Variants in PINX1 observed in about 807,000 individuals in gnomAD.
PINX1 encodes PIN2/TERF1-interacting telomerase inhibitor 1.
A neutral mutation model predicts 25.4 loss-of-function variants in PINX1; 34 were observed. The ratio of observed to expected loss-of-function variants is 1.34; its 90% CI spans 1.02 to 1.78. The LOEUF (loss-of-function observed/expected upper bound fraction) is 1.78. Ranked by LOEUF, PINX1 falls within the 40% of genes most tolerant of loss-of-function variation. The probability of loss-of-function intolerance (pLI) is 0.00; values close to 1 mark genes in which losing one functional copy is unlikely to be tolerated. For missense variants in PINX1, 592 were observed against 404.9 expected (o/e 1.46, Z -3.97); for synonymous variants, 197 against 147.7 (o/e 1.33, Z -2.42).
At chr8:10,791,821 A>G (rs986930336) in intron 6 of PINX1, among the ~76,000 whole-genome samples, 14 of 152,172 alleles carry the variant, frequency 9.2e-5, no homozygotes, top group Admixed American at 2.6e-4. Context: ...AAGGACTTGC[A>G]TTTGGCCTGT....
chr8:10,781,569 T>A (rs548850121), intron 6 of PINX1, among the ~76,000 whole-genome samples: 3 of 152,140 alleles, frequency 2.0e-5, no homozygotes, highest in Non-Finnish European at 4.4e-5. Context: ...AAAGATGACA[T>A]ACACATGACC....
At chr8:10,778,800 A>G (rs1408843262) in intron 6 of PINX1, among the ~76,000 whole-genome samples, 2 of 152,242 alleles carry the variant, frequency 1.3e-5, no homozygotes, top group Non-Finnish European at 2.9e-5. Flanking sequence ...TCTGGATAAA[A>G]TGAGTAGTTC....
rs143615754 is a variant in PINX1, at chr8:10,779,870, G to A, written c.472-13954C>T. Reference sequence around the variant, plus strand: ...ACAACCCCAACGCCTAGACTGTGTCGCTAAATATCACTTACCACAAAGAAA... The same window carrying A: ...ACAACCCCAACGCCTAGACTGTGTCACTAAATATCACTTACCACAAAGAAA... On this transcript the variant is annotated intron_variant, in intron 6 of 6. Transcript: ENST00000314787. Among the ~76,000 whole-genome samples, 29 of 152,224 alleles carry A rather than the reference G, an allele frequency of 1.9e-4. No homozygotes were observed. The South Asian group carries it at 4.4e-3, about 23-fold the overall frequency.
rs1802112699 is a variant in PINX1, at chr8:10,797,229, G to A, written c.471+22964C>T. 2.0e-5 allele frequency among the ~76,000 whole-genome samples: 3 copies of A among 152,316 alleles called. No individual in the cohort carries two copies. In the South Asian group the frequency reaches 6.2e-4, roughly 32 times the overall value. On this transcript the variant is annotated intron_variant, in intron 6 of 6. Coordinates refer to ENST00000314787, the MANE Select transcript of PINX1 (RefSeq NM_017884.6). ...ACCTTTGTCAGCTTCCTCATGAGTAGTTCCTACCTCTCAGGGTTGGTGTTT... is the reference window on the plus strand; with the variant it reads ...ACCTTTGTCAGCTTCCTCATGAGTAATTCCTACCTCTCAGGGTTGGTGTTT...
intron 1 of PINX1, among the ~76,000 whole-genome samples, chr8:10,836,469 G>A (rs1798409945): frequency 6.6e-6 from 1 of 152,160 alleles, no homozygotes; most frequent in Non-Finnish European, 1.5e-5. Flanking sequence ...TGCTTGCCAG[G>A]GGTCTTTGAC....
At chr8:10,829,018 T>G (rs911910952) in intron 4 of PINX1, among the ~76,000 whole-genome samples, 8 of 152,288 alleles carry the variant, frequency 5.3e-5, no homozygotes, top group East Asian at 3.9e-4. Flanking sequence ...GTAGGTGCAG[T>G]GGCTAAAGCC....
At chr8:10,834,860 A>C in intron 1 of PINX1, 85 bp from the exon 2 acceptor site, 1 of 855,702 alleles carries the variant, frequency 1.2e-6, no homozygotes, top group Non-Finnish European at 1.9e-6. Flanking sequence ...AACTTTGTGT[A>C]TTTTATGTAT....
chr8:10,814,472 G>C (rs938921387), intron 6 of PINX1, among the ~76,000 whole-genome samples: 5 of 152,210 alleles, frequency 3.3e-5, no homozygotes, highest in South Asian at 2.1e-4. Context: ...AACAGCCACA[G>C]CTGTGAAAAA....
At chr8:10,772,756 G>A (rs780940799) in intron 6 of PINX1, among the ~76,000 whole-genome samples, 8 of 152,300 alleles carry the variant, frequency 5.3e-5, no homozygotes, top group Non-Finnish European at 8.8e-5. Context: ...ATAACAGAAT[G>A]AGAATTATGC....
intron 6 of PINX1, among the ~76,000 whole-genome samples, chr8:10,811,560 C>A (rs953564511): frequency 6.6e-6 from 1 of 152,146 alleles, no homozygotes; most frequent in South Asian, 2.1e-4. Context: ...GTTAGCAATT[C>A]GAGGAAGGGC....
chr8:10,778,794 G>C (rs373015617), intron 6 of PINX1, among the ~76,000 whole-genome samples: 1 of 152,146 alleles, frequency 6.6e-6, no homozygotes, highest in Admixed American at 6.5e-5. Flanking sequence ...CCATTATCTG[G>C]ATAAAATGAG....
chr8:10,791,096 T>C (rs1355699267), intron 6 of PINX1, among the ~76,000 whole-genome samples: 4 of 152,124 alleles, frequency 2.6e-5, no homozygotes, highest in Non-Finnish European at 5.9e-5. Context: ...GTATTTTTAG[T>C]AGAGATGGGG....
chr8:10,834,145 A>C (rs997568667), intron 2 of PINX1, among the ~76,000 whole-genome samples: 6 of 152,198 alleles, frequency 3.9e-5, no homozygotes, highest in African/African-American at 1.4e-4. Context: ...TCAAAAGTCT[A>C]TAGAAAGAAG....
At chr8:10,787,729 T>G (rs1240238285) in intron 6 of PINX1, 1 of 447,268 alleles carries the variant, frequency 2.2e-6, no homozygotes, top group Admixed American at 2.5e-5. Flanking sequence ...CTTTACGAAG[T>G]GAATACATTA....
intron 6 of PINX1, among the ~76,000 whole-genome samples, chr8:10,787,259 G>A (rs1030356157): frequency 6.6e-6 from 1 of 151,744 alleles, no homozygotes; most frequent in Non-Finnish European, 1.5e-5. Flanking sequence ...ACAGAGTCTT[G>A]CTTTATCACC....
chr8:10,777,793 C>T (rs1344555452), intron 6 of PINX1, among the ~76,000 whole-genome samples: 1 of 152,154 alleles, frequency 6.6e-6, no homozygotes, highest in African/African-American at 2.4e-5. Context: ...GCACTCTGCC[C>T]GTCACTGCCT....
intron 6 of PINX1, among the ~76,000 whole-genome samples, chr8:10,778,336 T>C (rs17774627): frequency 0.16 from 24,201 of 152,094 alleles, 2,434 homozygotes; most frequent in Non-Finnish European, 0.23. Flanking sequence ...TAAATTGATA[T>C]TCCAGGTTGA....
intron 4 of PINX1, among the ~76,000 whole-genome samples, chr8:10,828,792 G>T (rs1458736701): frequency 6.6e-6 from 1 of 152,086 alleles, no homozygotes; most frequent in African/African-American, 2.4e-5. Context: ...ACTTTACAAA[G>T]GAAAGGCACA....
At chr8:10,826,940 G>C (rs544535456) in intron 4 of PINX1, among the ~76,000 whole-genome samples, 139 of 152,302 alleles carry the variant, frequency 9.1e-4, no homozygotes, top group African/African-American at 3.2e-3. Flanking sequence ...GCATGAATCT[G>C]CACTTGTGAT....
Sources: gnomAD v4.1 joint callset for allele counts (sites outside exome capture counted in the v4.1 genomes callset) on GRCh38, gnomAD v4.1.1 for gene constraint, MANE v1.5 for transcripts, NCBI Gene and HGNC (gene_info 2026-07-23, HGNC 2026-07-21) for gene names.